NCF2: variants seen among roughly 807,000 people sequenced by gnomAD.
NCF2 encodes neutrophil cytosolic factor 2.
Under a neutral mutation model 70.9 loss-of-function variants are expected in NCF2, and 45 were observed. The ratio of observed to expected loss-of-function variants is 0.63; its 90% CI spans 0.50 to 0.81. The LOEUF (loss-of-function observed/expected upper bound fraction) is 0.81, where lower values mean the gene tolerates loss of function less well. Ranked by LOEUF, NCF2 falls within the 40% of genes least tolerant of loss-of-function variation. The pLI is 0.00. For missense variants in NCF2, 522 were observed against 631.6 expected, an observed-to-expected ratio of 0.83 and a Z score of 1.86; for synonymous variants, 203 against 233.6, an observed-to-expected ratio of 0.87 and a Z score of 1.19.
Position 183,590,422 on chromosome 1 carries a change from C to A in NCF2, c.-93G>T. 1 of 1,423,134 alleles carries A rather than the reference C, an allele frequency of 7.0e-7. No homozygotes were observed. Among genetic ancestry groups the A allele is most frequent in the South Asian group, 1.2e-5 (1 of 85,330 alleles). 88.2% of individuals were successfully genotyped at this position (1,423,134 alleles called of 1,614,324 possible). A position where few individuals can be genotyped will look rare whatever the true frequency, so the allele number is the denominator to read the frequency against. On this transcript the variant is annotated 5_prime_UTR_variant, in exon 1 of 15. Transcript: ENST00000367535. Reference sequence around the variant, plus strand: ...CCCCTAGCAGGGCTGCCTTAGTGGCCCCCAAGGTGTTCACTTTCTGGGCCA... The same window carrying A: ...CCCCTAGCAGGGCTGCCTTAGTGGCACCCAAGGTGTTCACTTTCTGGGCCA...
At chr1:183,575,868 G>C (rs1261139165) in intron 3 of NCF2, among the ~76,000 whole-genome samples, 1 of 152,170 alleles carries the variant, frequency 6.6e-6, no homozygotes, top group African/African-American at 2.4e-5. Flanking sequence ...CTGAATGGTG[G>C]GGGCCAGGAT....
intron 3 of NCF2, among the ~76,000 whole-genome samples, chr1:183,575,395 G>A (rs1263292376): frequency 6.6e-6 from 1 of 152,186 alleles, no homozygotes; most frequent in East Asian, 1.9e-4. Flanking sequence ...CTTGAACCCA[G>A]AAGACAGAGG....
At chr1:183,584,591 G>A (rs1572175075) in intron 2 of NCF2, among the ~76,000 whole-genome samples, 1 of 152,182 alleles carries the variant, frequency 6.6e-6, no homozygotes, top group Admixed American at 6.5e-5. Flanking sequence ...CTTTCTGGGA[G>A]CCTTCACTCT....
At position 183,560,206 on chromosome 1, in the gene NCF2, T is replaced by C; in HGVS notation, c.1358A>G (p.Glu453Gly). The C allele has an allele frequency of 6.2e-7, 1 of 1,614,206 alleles. No homozygotes were observed. Among genetic ancestry groups the C allele is most frequent in the Non-Finnish European group, 8.5e-7 (1 of 1,180,038 alleles). ...EKADANNQTT[E>G]PQLKKGSQVE... ...TTGGCTGCCTTTCTTAAGCTGAGGT[T>C]CTGTTGTCTGGTTATTAGCATCAGC... The change falls in exon 14 of 15, where the codon GAA becomes GGA. Residue 453 changes from glutamate to glycine, a missense_variant. Glu to Gly is a moderately conservative substitution (Grantham distance 98, BLOSUM62 -2). Transcript: ENST00000367535.
intron 9 of NCF2, among the ~76,000 whole-genome samples, chr1:183,566,144 A>G (rs948055271): frequency 6.6e-6 from 1 of 152,230 alleles, no homozygotes; most frequent in African/African-American, 2.4e-5. Context: ...CTCATTTGCA[A>G]GGCATTTGAA....
intron 2 of NCF2, among the ~76,000 whole-genome samples, chr1:183,583,269 G>T (rs1399592263): frequency 6.6e-6 from 1 of 152,164 alleles, no homozygotes; most frequent in Non-Finnish European, 1.5e-5. Flanking sequence ...GGCCAGGCTG[G>T]TTTCAAACTC....
chr1:183,591,031 G>A (rs749532381), upstream of NCF2, among the ~76,000 whole-genome samples: 4 of 152,128 alleles, frequency 2.6e-5, no homozygotes, highest in East Asian at 1.9e-4. Context: ...CCCCTATTCT[G>A]AGCCCATAAA....
chr1:183,586,427 A>G (rs890751473), intron 2 of NCF2, among the ~76,000 whole-genome samples: 5 of 152,256 alleles, frequency 3.3e-5, no homozygotes, highest in African/African-American at 1.2e-4. Flanking sequence ...TCTTATACAT[A>G]TAATGTTAAT....
In NCF2 at chr1:183,555,679, C is replaced by A. The variant is rs1033536377; in HGVS notation, c.*439G>T. On this transcript the variant is annotated 3_prime_UTR_variant, in exon 15 of 15. Transcript: ENST00000367535. Reference sequence around the variant, plus strand: ...TCAGAAACAGGAATATTTGTACTTACTCCTTGGGCCTGGACTTGGGTGTCT... The same window carrying A: ...TCAGAAACAGGAATATTTGTACTTAATCCTTGGGCCTGGACTTGGGTGTCT... 2 of 193,476 alleles carry A rather than the reference C, an allele frequency of 1.0e-5. No homozygotes were observed. The highest frequency in any genetic ancestry group is 9.7e-5 in the South Asian group (1 of 10,358). The allele number at this position is 193,476 out of a possible 1,614,324, so 12.0% of individuals were successfully genotyped here. A position where few individuals can be genotyped will look rare whatever the true frequency, so the allele number is the denominator to read the frequency against.
rs72550871 is a variant in NCF2, at chr1:183,577,795, T to C, written c.258-88A>G. On this transcript the variant is annotated intron_variant, in intron 2 of 14. Transcript: ENST00000367535. Reference sequence around the variant, plus strand: ...TGTGAGTCTGCTTCTCCCTTCCCCATCTATTTCACTGGGACAAGAAGCCTT... The same window carrying C: ...TGTGAGTCTGCTTCTCCCTTCCCCACCTATTTCACTGGGACAAGAAGCCTT... The C allele has an allele frequency of 2.6e-4, 247 of 954,750 alleles. 3 individuals carry two copies. In the African/African-American group the frequency reaches 3.6e-3, roughly 14 times the overall value. 59.1% of individuals were successfully genotyped at this position (954,750 alleles called of 1,614,324 possible).
At chr1:183,565,048 G>C (rs1287212728) in intron 10 of NCF2, among the ~76,000 whole-genome samples, 1 of 152,170 alleles carries the variant, frequency 6.6e-6, no homozygotes, top group African/African-American at 2.4e-5. Context: ...CTTTTCTGTA[G>C]GTTGGACATT....
At chr1:183,559,388 G>C (rs972512105) in intron 14 of NCF2, among the ~76,000 whole-genome samples, 1 of 152,088 alleles carries the variant, frequency 6.6e-6, no homozygotes, top group African/African-American at 2.4e-5. Flanking sequence ...CTGAATAGCT[G>C]GTTTTTAAGG....
chr1:183,574,416 A>G lies in NCF2; in HGVS notation c.501+71T>C, dbSNP rs1672703543. On this transcript the variant is annotated intron_variant, in intron 4 of 14. Transcript: ENST00000367535. Reference sequence around the variant, plus strand: ...AAAGCACCACTTTTATGGCTTCTCAATGGCATGTCCTCTGAGACAAATGAG... The same window carrying G: ...AAAGCACCACTTTTATGGCTTCTCAGTGGCATGTCCTCTGAGACAAATGAG... 25 of 1,604,064 alleles carry G rather than the reference A, an allele frequency of 1.6e-5. No homozygotes were observed. The South Asian group carries it at 2.4e-4, about 16-fold the overall frequency.
At chr1:183,584,745 G>A (rs1056814609) in intron 2 of NCF2, among the ~76,000 whole-genome samples, 1 of 152,162 alleles carries the variant, frequency 6.6e-6, no homozygotes, top group African/African-American at 2.4e-5. Flanking sequence ...CGGGGTAAGG[G>A]GGAGTGAGAA....
chr1:183,581,467 C>T (rs565463586), intron 2 of NCF2, among the ~76,000 whole-genome samples: 12 of 150,068 alleles, frequency 8.0e-5, no homozygotes, highest in Admixed American at 5.3e-4. Context: ...GACCCCTTCT[C>T]TAAAAAAAAA....
intron 2 of NCF2, among the ~76,000 whole-genome samples, chr1:183,578,012 G>A (rs1025406596): frequency 3.3e-5 from 5 of 152,110 alleles, no homozygotes; most frequent in Admixed American, 6.5e-5. Context: ...CTGACTTGTC[G>A]CTTTCCGATG....
At position 183,574,535 on chromosome 1, in the gene NCF2, C is replaced by T. The variant is rs751432737; in HGVS notation, c.453G>A (p.Lys151=). The change falls in exon 4 of 15, where the codon AAG becomes AAA. Residue 151 remains lysine (K), a synonymous_variant. Transcript: ENST00000367535. The stretch of plus-strand genomic sequence containing the variant: ...CGATTTTGGAATGTCTGGGCTCAGA[C>T]TTCATGCTCGTGGCCAATGCTAACT... ...EEQLALATSM[K]SEPRHSKIDK... 7 of 1,614,144 alleles carry T rather than the reference C, an allele frequency of 4.3e-6. No individual in the cohort carries two copies. In the African/African-American group the frequency reaches 5.3e-5, roughly 12 times the overall value.
At chr1:183,566,182 C>T (rs1415562122) in intron 9 of NCF2, among the ~76,000 whole-genome samples, 1 of 152,204 alleles carries the variant, frequency 6.6e-6, no homozygotes, top group Non-Finnish European at 1.5e-5. Flanking sequence ...GATATGGTGA[C>T]TGACCAGGGA....
At chr1:183,567,790 C>G (rs35054092) in intron 7 of NCF2, among the ~76,000 whole-genome samples, 2,166 of 152,212 alleles carry the variant, frequency 0.014, 55 homozygotes, top group African/African-American at 0.049. Flanking sequence ...GGAGAAACCA[C>G]CTAGAACCAG....
Sources: gnomAD v4.1 joint callset for allele counts (sites outside exome capture counted in the v4.1 genomes callset) on GRCh38, gnomAD v4.1.1 for gene constraint, MANE v1.5 for transcripts, NCBI Gene and HGNC (gene_info 2026-07-23, HGNC 2026-07-21) for gene names.